The following KCNQ5 variants were observed in gnomAD, a reference collection of about 807,000 sequenced individuals.
KCNQ5 encodes the protein potassium voltage-gated channel subfamily KQT member 5.
A neutral mutation model predicts 98.2 loss-of-function variants in KCNQ5; 30 were observed. That is an observed-to-expected ratio of 0.31 (90% confidence interval 0.23 to 0.41). KCNQ5 has a LOEUF of 0.41. KCNQ5 is among the 10% of genes least tolerant of loss of function. The probability of loss-of-function intolerance (pLI) is 1.00; values close to 1 mark genes in which losing one functional copy is unlikely to be tolerated. For missense variants in KCNQ5, 835 were observed against 1,182.5 expected, an observed-to-expected ratio of 0.71 and a Z score of 4.31; for synonymous variants, 458 against 449.4, an observed-to-expected ratio of 1.02 and a Z score of -0.24.
At chr6:72,779,553 G>A (rs1394774202) in intron 1 of KCNQ5, among the ~76,000 whole-genome samples, 1 of 152,146 alleles carries the variant, frequency 6.6e-6, no homozygotes, top group Non-Finnish European at 1.5e-5. Flanking sequence ...TAGGAGAGCA[G>A]TGAGTATTTG....
chr6:72,911,560 G>A (rs1234526870), intron 1 of KCNQ5, among the ~76,000 whole-genome samples: 3 of 152,132 alleles, frequency 2.0e-5, no homozygotes, highest in Non-Finnish European at 4.4e-5. Context: ...AAGGGGCTGA[G>A]TAGTAAGACC....
chr6:72,714,959 T>C (rs56379143), intron 1 of KCNQ5, among the ~76,000 whole-genome samples: 19,695 of 152,080 alleles, frequency 0.13, 2,199 homozygotes, highest in African/African-American at 0.3. Flanking sequence ...AATATATAGC[T>C]TCTGTGAGCC....
At chr6:73,027,775 C>T (rs1204193973) in intron 2 of KCNQ5, among the ~76,000 whole-genome samples, 1 of 152,144 alleles carries the variant, frequency 6.6e-6, no homozygotes, top group Non-Finnish European at 1.5e-5. Flanking sequence ...GTGGTATAAT[C>T]ACAAATTCTG....
intron 1 of KCNQ5, among the ~76,000 whole-genome samples, chr6:72,971,917 A>G (rs1032371100): frequency 6.6e-6 from 1 of 152,146 alleles, no homozygotes; most frequent in Non-Finnish European, 1.5e-5. Flanking sequence ...TAGCACACCA[A>G]CATGGCACAT....
intron 1 of KCNQ5, among the ~76,000 whole-genome samples, chr6:72,830,615 TA>T (rs556052414): frequency 1.9e-3 from 291 of 152,154 alleles, no homozygotes; most frequent in African/African-American, 6.6e-3. Flanking sequence ...ATGTTAGACC[TA>T]AAAACCATAA....
At chr6:72,843,016 G>A (rs561909392) in intron 1 of KCNQ5, among the ~76,000 whole-genome samples, 38 of 152,200 alleles carry the variant, frequency 2.5e-4, no homozygotes, top group African/African-American at 8.9e-4. Flanking sequence ...ATTGGCTTTC[G>A]TTGCCATTGC....
At chr6:72,733,422 A>G (rs1770656971) in intron 1 of KCNQ5, among the ~76,000 whole-genome samples, 2 of 152,252 alleles carry the variant, frequency 1.3e-5, no homozygotes. Flanking sequence ...GCTTTAGCAG[A>G]AAGATAAGGA....
intron 1 of KCNQ5, among the ~76,000 whole-genome samples, chr6:72,744,333 G>A (rs760713698): frequency 2.0e-5 from 3 of 152,242 alleles, no homozygotes; most frequent in Non-Finnish European, 4.4e-5. Flanking sequence ...CAATGGTAAG[G>A]AGGACTGTTA....
chr6:72,885,321 C>T (rs1778807129), intron 1 of KCNQ5, among the ~76,000 whole-genome samples: 1 of 152,094 alleles, frequency 6.6e-6, no homozygotes, highest in South Asian at 2.1e-4. Context: ...TTCCTGCCCT[C>T]AGGATGAACA....
chr6:72,957,586 C>T (rs953630141), intron 1 of KCNQ5, among the ~76,000 whole-genome samples: 1 of 152,136 alleles, frequency 6.6e-6, no homozygotes, highest in Non-Finnish European at 1.5e-5. Flanking sequence ...CCTGATGATT[C>T]TAATATGCAG....
chr6:72,692,265 T>G (rs1055532991), intron 1 of KCNQ5, among the ~76,000 whole-genome samples: 4 of 152,218 alleles, frequency 2.6e-5, no homozygotes, highest in Non-Finnish European at 5.9e-5. Flanking sequence ...CACTGTAAGC[T>G]ATAATCAAGG....
chr6:73,177,766 T>C (rs1002706426), intron 11 of KCNQ5, among the ~76,000 whole-genome samples: 1 of 152,266 alleles, frequency 6.6e-6, no homozygotes, highest in Non-Finnish European at 1.5e-5. Flanking sequence ...TATGACATGT[T>C]ACAGTAAAGG....
chr6:72,886,604 A>G (rs1778850881), intron 1 of KCNQ5, among the ~76,000 whole-genome samples: 1 of 152,168 alleles, frequency 6.6e-6, no homozygotes, highest in Non-Finnish European at 1.5e-5. Flanking sequence ...TCCAAAGTGG[A>G]GTAATAAAAA....
chr6:72,739,939 C>T (rs1400005621), intron 1 of KCNQ5, among the ~76,000 whole-genome samples: 3 of 152,184 alleles, frequency 2.0e-5, no homozygotes, highest in Non-Finnish European at 4.4e-5. Context: ...CTTGCTGCCT[C>T]AGAGGCACAT....
chr6:73,052,019 G>A (rs953053757), intron 3 of KCNQ5, among the ~76,000 whole-genome samples: 1 of 152,108 alleles, frequency 6.6e-6, no homozygotes, highest in Non-Finnish European at 1.5e-5. Flanking sequence ...GATGAAAGAC[G>A]AAATGGCCAC....
chr6:73,046,027 A>C (rs1771943075), intron 3 of KCNQ5, among the ~76,000 whole-genome samples: 1 of 152,196 alleles, frequency 6.6e-6, no homozygotes, highest in African/African-American at 2.4e-5. Flanking sequence ...GATAAAATAA[A>C]ATTGAAGCCT....
chr6:73,030,596 A>G (rs1216634687), intron 2 of KCNQ5, among the ~76,000 whole-genome samples: 1 of 152,232 alleles, frequency 6.6e-6, no homozygotes, highest in Non-Finnish European at 1.5e-5. Context: ...CATCATAGGT[A>G]GAAGAGGAGG....
intron 10 of KCNQ5, chr6:73,136,860 A>G (rs1776493707): frequency 2.0e-5 from 3 of 152,202 alleles, no homozygotes; most frequent in Non-Finnish European, 4.4e-5. Context: ...CATAGAAAAT[A>G]ATATATAACA....
chr6:73,148,242 G>C (rs1195241611), intron 10 of KCNQ5, among the ~76,000 whole-genome samples: 1 of 152,158 alleles, frequency 6.6e-6, no homozygotes, highest in African/African-American at 2.4e-5. Context: ...ATTTCTGCTA[G>C]CCAGTAAGTA....
Sources: gnomAD v4.1 joint callset for allele counts (sites outside exome capture counted in the v4.1 genomes callset) on GRCh38, gnomAD v4.1.1 for gene constraint, MANE v1.5 for transcripts, NCBI Gene and HGNC (gene_info 2026-07-23, HGNC 2026-07-21) for gene names.